PTPRD: variants seen among roughly 807,000 people sequenced by gnomAD.
PTPRD encodes the protein protein tyrosine phosphatase receptor type D, also known as receptor-type tyrosine-protein phosphatase delta.
PTPRD carries 34 observed loss-of-function variants against 214.5 expected under a neutral mutation model. The observed-to-expected ratio is 0.16, with a 90% CI of 0.12 to 0.21. The LOEUF (loss-of-function observed/expected upper bound fraction) is 0.21. Ranked by LOEUF, PTPRD falls within the 10% of genes least tolerant of loss-of-function variation. The probability of loss-of-function intolerance (pLI) is 1.00; values close to 1 mark genes in which losing one functional copy is unlikely to be tolerated. For synonymous variants in PTPRD, 1,128 were observed against 845.7 expected, an observed-to-expected ratio of 1.33 and a Z score of -5.79; for missense variants, 2,545 against 2,398.7, an observed-to-expected ratio of 1.06 and a Z score of -1.27.
chr9:9,131,132 T>TA (rs530962490), intron 10 of PTPRD, among the ~76,000 whole-genome samples: 5 of 152,240 alleles, frequency 3.3e-5, no homozygotes, highest in Non-Finnish European at 7.4e-5. Flanking sequence ...GTTGAGAGAA[T>TA]AAAAAATGAT....
intron 9 of PTPRD, among the ~76,000 whole-genome samples, chr9:9,379,665 A>C (rs527791668): frequency 2.5e-4 from 38 of 152,042 alleles, no homozygotes; most frequent in Non-Finnish European, 5.2e-4. Flanking sequence ...CTATCCATGG[A>C]CATGAAATAT....
intron 3 of PTPRD, among the ~76,000 whole-genome samples, chr9:10,154,182 G>C (rs1039702463): frequency 1.3e-5 from 2 of 152,054 alleles, no homozygotes; most frequent in Non-Finnish European, 2.9e-5. Context: ...GTGTGAGATG[G>C]TATCTCATTG....
chr9:10,556,900 T>C (rs1352165430), intron 2 of PTPRD, among the ~76,000 whole-genome samples: 1 of 152,074 alleles, frequency 6.6e-6, no homozygotes, highest in African/African-American at 2.4e-5. Context: ...CTAACTTGGT[T>C]AGAAACGTTG....
intron 5 of PTPRD, among the ~76,000 whole-genome samples, chr9:9,879,587 T>C (rs2153734034): frequency 6.6e-6 from 1 of 152,324 alleles, no homozygotes; most frequent in Non-Finnish European, 1.5e-5. Context: ...TATATATTTT[T>C]TTCCAACACA....
chr9:10,429,762 T>C (rs1239877351), intron 2 of PTPRD, among the ~76,000 whole-genome samples: 1 of 151,558 alleles, frequency 6.6e-6, no homozygotes, highest in African/African-American at 2.4e-5. Context: ...GGGGGGAGGA[T>C]GATGATGAAT....
chr9:8,434,822 A>G (rs1299492242), intron 35 of PTPRD, among the ~76,000 whole-genome samples: 4 of 149,192 alleles, frequency 2.7e-5, no homozygotes, highest in Non-Finnish European at 4.4e-5. Context: ...TAAACTCACT[A>G]TGGAGCCCTA....
At chr9:10,248,872 T>C (rs1224836784) in intron 3 of PTPRD, among the ~76,000 whole-genome samples, 4 of 93,240 alleles carry the variant, frequency 4.3e-5, no homozygotes, top group South Asian at 4.0e-4. Flanking sequence ...AGAGGTGATA[T>C]TTTATCTTTT....
chr9:8,429,657 G>C (rs2094916710), intron 35 of PTPRD, among the ~76,000 whole-genome samples: 1 of 152,156 alleles, frequency 6.6e-6, no homozygotes. Context: ...CAGGAGATGT[G>C]AGAGTGCTGC....
chr9:9,998,129 A>AAAAAAATATAT (rs57991748), intron 4 of PTPRD, among the ~76,000 whole-genome samples: 1,257 of 91,354 alleles, frequency 0.014, 12 homozygotes, highest in Non-Finnish European at 0.02. Flanking sequence ...AAAAAAAAAA[A>AAAAAAATATAT]ATATATATAT....
intron 37 of PTPRD, among the ~76,000 whole-genome samples, chr9:8,388,400 A>G (rs764973776): frequency 6.6e-6 from 1 of 152,250 alleles, no homozygotes; most frequent in East Asian, 1.9e-4. Context: ...GAATGTCCCT[A>G]TTCTTCAATG....
At chr9:8,853,780 T>C (rs908357660) in intron 11 of PTPRD, among the ~76,000 whole-genome samples, 2 of 152,202 alleles carry the variant, frequency 1.3e-5, no homozygotes, top group Non-Finnish European at 2.9e-5. Flanking sequence ...AAAAAGAATG[T>C]TTTAAAACAC....
At chr9:8,590,977 T>A (rs1012292119) in intron 14 of PTPRD, among the ~76,000 whole-genome samples, 6 of 152,026 alleles carry the variant, frequency 3.9e-5, no homozygotes, top group African/African-American at 1.4e-4. Context: ...TAGGGGAGAA[T>A]CTTCCTTCTT....
chr9:8,500,618 T>G (rs2097380045), intron 24 of PTPRD, 136 bp downstream of exon 24: 1 of 493,928 alleles, frequency 2.0e-6, no homozygotes, highest in Admixed American at 4.6e-5. Context: ...GACAAGTCTT[T>G]GGCAAAAATA....
intron 36 of PTPRD, among the ~76,000 whole-genome samples, chr9:8,402,787 A>T (rs930411241): frequency 3.3e-5 from 5 of 152,116 alleles, no homozygotes; most frequent in African/African-American, 9.7e-5. Context: ...TTTAAACAGA[A>T]TTTGAAAAGA....
In PTPRD at chr9:8,613,311, G is replaced by C. The variant is rs55803510; in HGVS notation, c.352+20006C>G. Among the ~76,000 whole-genome samples, 1,196 of 152,260 alleles carry C rather than the reference G, an allele frequency of 7.9e-3. 8 individuals carry two copies. Among genetic ancestry groups the C allele is most frequent in the African/African-American group, 0.018 (730 of 41,560 alleles). The stretch of plus-strand genomic sequence containing the variant: ...TGGCCTCTTCCATTTCTAGAAGAGA[G>C]AGCAGGAAGGGGAAGGGAAAGGTAC... On this transcript the variant is annotated intron_variant, in intron 14 of 45. Transcript: ENST00000381196.
At chr9:8,509,284 G>A (rs1399750163) in intron 21 of PTPRD, among the ~76,000 whole-genome samples, 16 of 152,138 alleles carry the variant, frequency 1.1e-4, no homozygotes, top group Admixed American at 1.0e-3. Flanking sequence ...AGCACTGGCA[G>A]GAGCAATAAT....
intron 10 of PTPRD, among the ~76,000 whole-genome samples, chr9:9,148,013 T>C (rs1489039848): frequency 6.6e-6 from 1 of 152,208 alleles, no homozygotes; most frequent in African/African-American, 2.4e-5. Context: ...GTTTTAGGAA[T>C]GCAATAAGCA....
chr9:9,462,165 G>C (rs1318031461), intron 8 of PTPRD, among the ~76,000 whole-genome samples: 2 of 152,174 alleles, frequency 1.3e-5, no homozygotes, highest in South Asian at 2.1e-4. Context: ...TGAGTGAGTA[G>C]ACTTTCAATA....
intron 11 of PTPRD, among the ~76,000 whole-genome samples, chr9:8,944,920 C>A (rs1244508156): frequency 6.6e-6 from 1 of 151,952 alleles, no homozygotes; most frequent in African/African-American, 2.4e-5. Context: ...ATGTTCGTAA[C>A]ACAAAGAAAT....
Sources: gnomAD v4.1 joint callset for allele counts (sites outside exome capture counted in the v4.1 genomes callset) on GRCh38, gnomAD v4.1.1 for gene constraint, MANE v1.5 for transcripts, NCBI Gene and HGNC (gene_info 2026-07-23, HGNC 2026-07-21) for gene names.